FHIT: variants seen among roughly 807,000 people sequenced by gnomAD.
FHIT encodes the protein fragile histidine triad diadenosine triphosphatase, also known as bis(5'-adenosyl)-triphosphatase.
FHIT carries 19 observed loss-of-function variants against 17.9 expected under a neutral mutation model. That is an observed-to-expected ratio of 1.06 (90% CI 0.74 to 1.56). The LOEUF is 1.56. Among genes scored for constraint, FHIT ranks in the 40% most tolerant of loss-of-function variants. The pLI, the probability that FHIT is intolerant of heterozygous loss-of-function variation, is 0.00. For missense variants in FHIT, 248 were observed against 189.2 expected, an observed-to-expected ratio of 1.31 and a Z score of -1.82; for synonymous variants, 81 against 69.7, an observed-to-expected ratio of 1.16 and a Z score of -0.81.
At chr3:60,107,132 C>A (rs1222258588) in intron 5 of FHIT, among the ~76,000 whole-genome samples, 2 of 146,208 alleles carry the variant, frequency 1.4e-5, no homozygotes, top group South Asian at 2.2e-4. Flanking sequence ...TAAATTTTAA[C>A]CTTTAAAAGC....
intron 2 of FHIT, among the ~76,000 whole-genome samples, chr3:61,139,087 T>C (rs1254043329): frequency 1.3e-5 from 2 of 149,082 alleles, no homozygotes; most frequent in Non-Finnish European, 3.0e-5. Context: ...TGGAGTGCAG[T>C]GGTGCGATCT....
chr3:60,325,772 T>C (rs114756864), intron 5 of FHIT, among the ~76,000 whole-genome samples: 1,913 of 152,334 alleles, frequency 0.013, 47 homozygotes, highest in African/African-American at 0.044. Flanking sequence ...TCCTCTGCCC[T>C]GCCAGCAGGG....
At chr3:59,840,601 T>A (rs1020838769) in intron 8 of FHIT, among the ~76,000 whole-genome samples, 4 of 152,100 alleles carry the variant, frequency 2.6e-5, no homozygotes, top group African/African-American at 9.7e-5. Context: ...TGCTGTATGT[T>A]TATTACATTT....
intron 2 of FHIT, among the ~76,000 whole-genome samples, chr3:61,167,325 T>C (rs1487266816): frequency 6.6e-6 from 1 of 151,694 alleles, no homozygotes; most frequent in Non-Finnish European, 1.5e-5. Context: ...TGCCAAAAAC[T>C]TGCATATACA....
chr3:60,990,279 G>A (rs992282909), intron 3 of FHIT, among the ~76,000 whole-genome samples: 1 of 152,176 alleles, frequency 6.6e-6, no homozygotes, highest in African/African-American at 2.4e-5. Context: ...CGATATTACA[G>A]AAATTGGTCT....
At chr3:61,004,816 C>T (rs749639173) in intron 3 of FHIT, among the ~76,000 whole-genome samples, 5 of 152,114 alleles carry the variant, frequency 3.3e-5, no homozygotes, top group African/African-American at 4.8e-5. Flanking sequence ...ATCAATCAGC[C>T]GCCAACCGCA....
intron 2 of FHIT, among the ~76,000 whole-genome samples, chr3:61,145,427 G>GT (rs1388204566): frequency 6.6e-6 from 1 of 152,006 alleles, no homozygotes; most frequent in Non-Finnish European, 1.5e-5. Flanking sequence ...TAGCTTTGTA[G>GT]TAAGTTTTGA....
intron 5 of FHIT, among the ~76,000 whole-genome samples, chr3:60,269,526 A>G (rs1052213559): frequency 3.3e-5 from 5 of 152,210 alleles, no homozygotes; most frequent in African/African-American, 1.2e-4. Context: ...TTAGGCAGAT[A>G]TTTTTGCCTC....
intron 1 of FHIT, among the ~76,000 whole-genome samples, chr3:61,245,170 C>A (rs1405022526): frequency 6.6e-6 from 1 of 152,130 alleles, no homozygotes; most frequent in Admixed American, 6.5e-5. Flanking sequence ...TTTTTATTGA[C>A]AATGATAAGA....
intron 4 of FHIT, among the ~76,000 whole-genome samples, chr3:60,763,875 A>C (rs782378413): frequency 3.9e-5 from 6 of 152,214 alleles, no homozygotes; most frequent in Non-Finnish European, 8.8e-5. Flanking sequence ...AGATAAAGAT[A>C]TCCCTTCTGT....
intron 1 of FHIT, among the ~76,000 whole-genome samples, chr3:61,240,343 AGC>A (rs2040344605): frequency 6.6e-6 from 1 of 152,210 alleles, no homozygotes. Context: ...AGCTTTGCAC[AGC>A]ACAACTCCAG....
At chr3:60,549,977 T>A (rs1351911481) in intron 4 of FHIT, among the ~76,000 whole-genome samples, 1 of 152,162 alleles carries the variant, frequency 6.6e-6, no homozygotes, top group Non-Finnish European at 1.5e-5. Flanking sequence ...TTGGGGGATG[T>A]CAGAAAAAGC....
chr3:60,366,636 C>T (rs1183644471), intron 5 of FHIT, among the ~76,000 whole-genome samples: 1 of 152,118 alleles, frequency 6.6e-6, no homozygotes, highest in Non-Finnish European at 1.5e-5. Flanking sequence ...TAAAAGCAAG[C>T]TTTCTCTCAC....
chr3:60,508,870 T>A (rs1274898909), intron 5 of FHIT, among the ~76,000 whole-genome samples: 7 of 152,112 alleles, frequency 4.6e-5, no homozygotes, highest in Non-Finnish European at 1.0e-4. Context: ...CCATGCCAAA[T>A]TCCTATATAT....
intron 5 of FHIT, among the ~76,000 whole-genome samples, chr3:60,490,540 T>C (rs1349385553): frequency 6.7e-6 from 1 of 149,702 alleles, no homozygotes; most frequent in African/African-American, 2.6e-5. Flanking sequence ...CCAGCCCAGG[T>C]GTCTCTTTTA....
chr3:60,195,416 G>A (rs1025951614), intron 5 of FHIT, among the ~76,000 whole-genome samples: 10 of 151,394 alleles, frequency 6.6e-5, no homozygotes, highest in South Asian at 4.2e-4. Flanking sequence ...GGTTTCTACC[G>A]AAAGGAAAGT....
intron 2 of FHIT, among the ~76,000 whole-genome samples, chr3:61,046,860 TC>T (rs1478345166): frequency 6.6e-6 from 1 of 152,208 alleles, no homozygotes; most frequent in East Asian, 1.9e-4. Context: ...AAAAACGTAA[TC>T]CATCATATAA....
At chr3:61,117,282 C>G (rs1445880899) in intron 2 of FHIT, among the ~76,000 whole-genome samples, 1 of 152,082 alleles carries the variant, frequency 6.6e-6, no homozygotes, top group African/African-American at 2.4e-5. Context: ...CCTTGCTTGC[C>G]GGGCAGGTGC....
At chr3:61,019,491 A>G (rs1454987437) in intron 3 of FHIT, among the ~76,000 whole-genome samples, 4 of 152,208 alleles carry the variant, frequency 2.6e-5, no homozygotes, top group Admixed American at 2.6e-4. Flanking sequence ...GAGTCTCTTC[A>G]TTACCGTGAA....
Sources: allele counts gnomAD v4.1 joint callset (sites outside exome capture counted in the v4.1 genomes callset), GRCh38; gene constraint gnomAD v4.1.1; transcripts MANE v1.5; gene names NCBI Gene and HGNC (gene_info 2026-07-23, HGNC 2026-07-21).